Variants in SMPD1 observed in about 807,000 individuals in gnomAD.
SMPD1 encodes sphingomyelin phosphodiesterase.
SMPD1 carries 47 observed loss-of-function variants against 49.7 expected under a neutral mutation model. The observed-to-expected ratio is 0.95, with a 90% CI of 0.75 to 1.21. The LOEUF is 1.21. Ranked by LOEUF, SMPD1 falls within the 50% of genes most tolerant of loss-of-function variation. The pLI is 0.00. For missense variants in SMPD1, 811 were observed against 822.2 expected (o/e 0.99, Z 0.17); for synonymous variants, 336 against 339.6 (o/e 0.99, Z 0.12).
chr11:6,394,126 G>A (rs1848074455), intron 5 of SMPD1, 72 bp from the exon 6 acceptor site: 1 of 1,612,546 alleles, frequency 6.2e-7, no homozygotes, highest in Non-Finnish European at 8.5e-7. Flanking sequence ...GCAAAGCATG[G>A]GCAGGATGTG....
intron 4 of SMPD1, 68 bp downstream of exon 4, chr11:6,393,761 A>T: frequency 6.4e-7 from 1 of 1,551,188 alleles, no homozygotes; most frequent in Non-Finnish European, 8.9e-7. Context: ...TCCCTTGAGC[A>T]TCTCACCATC....
At chr11:6,394,145 C>A (rs1227143412) in intron 5 of SMPD1, 53 bp from the exon 6 acceptor site, 12 of 1,613,578 alleles carry the variant, frequency 7.4e-6, no homozygotes, top group Non-Finnish European at 5.9e-6. Flanking sequence ...TGTGGCCCCT[C>A]CCTGGAGTTA....
Position 6,391,002 on chromosome 11 carries a change from G to A in SMPD1, c.318+86G>A, listed in dbSNP as rs1847885582. On this transcript the variant is annotated intron_variant, in intron 1 of 5. Coordinates refer to ENST00000342245, the MANE Select transcript of SMPD1 (RefSeq NM_000543.5). Reference sequence around the variant, plus strand: ...GGCTGATGCTGGTGCGCTGGGCTCAGAATGCATCCCTGATGGAGAGGGTGG... The same window carrying A: ...GGCTGATGCTGGTGCGCTGGGCTCAAAATGCATCCCTGATGGAGAGGGTGG... 8.5e-6 allele frequency: 13 copies of A among 1,522,536 alleles called. No individual in the cohort carries two copies. The South Asian group carries it at 1.3e-4, about 15-fold the overall frequency. 94.3% of individuals were successfully genotyped at this position (1,522,536 alleles called of 1,614,324 possible).
At position 6,390,700 on chromosome 11, in the gene SMPD1, CCTGGTGCTGGCGCTGGCGCTGGCG is replaced by C. The variant is rs550067660; in HGVS notation, c.107_130del (p.Val36_Leu43del). The C allele has an allele frequency of 1.2e-3, 1,928 of 1,546,828 alleles. 13 individuals carry two copies. The highest frequency in any genetic ancestry group is 7.1e-3 in the South Asian group (618 of 86,566). On this transcript the variant is annotated inframe_deletion, in exon 1 of 6. Coordinates refer to ENST00000342245, the MANE Select transcript of SMPD1 (RefSeq NM_000543.5). ...GAGCCCCCGGACTCCTTTGGATGGG[CCTGGTGCTGGCGCTGGCGCTGGCG>C]CTGGCGCTGGCGCTGGCTCTGTCTG...
intron 2 of SMPD1, 74 bp downstream of exon 2, chr11:6,392,230 G>A: frequency 6.4e-7 from 1 of 1,555,346 alleles, no homozygotes; most frequent in Non-Finnish European, 8.8e-7. Flanking sequence ...GGAACCTGGG[G>A]CATTGTCTCT....
Position 6,393,919 on chromosome 11 carries a change from A to T in SMPD1, c.1364A>T (p.Gln455Leu). ...AGGTATGAGAACACCCTGGCTGCTC[A>T]GTTCTTTGGCCACACTCATGTGGAT... ...VARYENTLAA[Q>L]FFGHTHVDEF... The change falls in exon 5 of 6, where the codon CAG becomes CTG. Residue 455 changes from glutamine (Q) to leucine (L), a missense_variant. By Grantham distance (113) the Gln-to-Leu change is moderately radical. Transcript: ENST00000342245. 1 of 1,614,206 alleles carries T rather than the reference A, an allele frequency of 6.2e-7. No individual in the cohort carries two copies. Among genetic ancestry groups the T allele is most frequent in the Non-Finnish European group, 8.5e-7 (1 of 1,180,038 alleles).
intron 2 of SMPD1, among the ~76,000 whole-genome samples, chr11:6,392,887 G>A (rs72896270): frequency 0.12 from 17,637 of 151,982 alleles, 1,142 homozygotes; most frequent in South Asian, 0.16. Context: ...CTTTGCTCAT[G>A]TTGGCCCTCT....
In SMPD1 at chr11:6,391,579, A is replaced by T. The variant is rs907810973; in HGVS notation, c.514A>T (p.Ile172Phe). The T allele has an allele frequency of 6.2e-7, 1 of 1,612,400 alleles. No individual in the cohort carries two copies. The highest frequency in any genetic ancestry group is 1.3e-5 in the African/African-American group (1 of 74,974). ...LLGSTCGHWD[I>F]FSSWNISLPT... ...GGGCTCCACCTGTGGGCACTGGGAC[A>T]TTTTCTCATCTTGGAACATCTCTTT... Residue 172 changes from isoleucine (I) to phenylalanine (F), a missense_variant, in exon 2 of 6, where the codon ATT becomes TTT. Coordinates refer to ENST00000342245, the MANE Select transcript of SMPD1 (RefSeq NM_000543.5).
At chr11:6,390,955 G>C (rs1349038395) in intron 1 of SMPD1, 39 bp downstream of exon 1, 4 of 1,610,624 alleles carry the variant, frequency 2.5e-6, no homozygotes, top group East Asian at 2.2e-5. Flanking sequence ...AGGCCGAAAG[G>C]AGTGCTGGGG....
In SMPD1 at chr11:6,391,920, T is replaced by C. The variant is rs777288780; in HGVS notation, c.855T>C (p.Asp285=). 1.2e-6 allele frequency: 2 copies of C among 1,614,092 alleles called. No homozygotes were observed. The highest frequency in any genetic ancestry group is 1.7e-6 in the Non-Finnish European group (2 of 1,180,036). Residue 285 remains aspartate, a synonymous_variant, in exon 2 of 6, where the codon GAT becomes GAC. Transcript: ENST00000342245. ...VYWTGDIPAH[D]VWHQTRQDQL... is the part of the protein sequence containing the mutation. ...GGACAGGAGACATCCCCGCACATGA[T>C]GTCTGGCACCAGACTCGTCAGGACC...
At position 6,390,732 on chromosome 11, in the gene SMPD1, TGGCGC is replaced by T; in HGVS notation, c.135_139del (p.Ala46GlyfsTer4). On this transcript the variant is annotated frameshift_variant, in exon 1 of 6. Coordinates refer to ENST00000342245, the MANE Select transcript of SMPD1 (RefSeq NM_000543.5). LOFTEE classifies it high-confidence loss of function. ...CTGGCGCTGGCGCTGGCGCTGGCGC[TGGCGC>T]TGGCTCTGTCTGACTCTCGGGTTCT... is the stretch of plus-strand genomic sequence containing the variant. 1 of 1,609,978 alleles carries T rather than the reference TGGCGC, an allele frequency of 6.2e-7. No homozygotes were observed. Among genetic ancestry groups the T allele is most frequent in the Middle Eastern group, 1.7e-4 (1 of 6,050 alleles).
rs200652683 is a variant in SMPD1 at position 6,394,240 on chromosome 11, C to T, written c.1529C>T (p.Ser510Phe). The T allele has an allele frequency of 4.1e-4, 662 of 1,614,184 alleles. 8 individuals carry two copies. In the South Asian group the frequency reaches 6.8e-3, roughly 17 times the overall value. ...YQIDGNYSGS[S>F]HVVLDHETYI... The stretch of plus-strand genomic sequence containing the variant: ...ATAGATGGAAACTACTCCGGGAGCT[C>T]TCACGTGGTCCTGGACCATGAGACC... The change falls in exon 6 of 6, where the codon TCT becomes TTT. Residue 510 changes from serine to phenylalanine, a missense_variant. By Grantham distance (155) the Ser-to-Phe change is radical. Transcript: ENST00000342245.
chr11:6,394,923 C>A lies in SMPD1; in HGVS notation c.*316C>A. 1 of 450,326 alleles carries A rather than the reference C, an allele frequency of 2.2e-6. No individual in the cohort carries two copies. 27.9% of individuals were successfully genotyped at this position (450,326 alleles called of 1,614,324 possible). On this transcript the variant is annotated 3_prime_UTR_variant, in exon 6 of 6. Coordinates refer to ENST00000342245, the MANE Select transcript of SMPD1 (RefSeq NM_000543.5). ...GTCGCCCCAGGCCTGTGCTGCCCAG[C>A]CAGGAACCCTGTACTGCTGCTGCGA...
intron 1 of SMPD1, 122 bp downstream of exon 1, chr11:6,391,038 CCAT>C (rs1847887353): frequency 1.5e-6 from 2 of 1,295,090 alleles, no homozygotes; most frequent in Non-Finnish European, 2.2e-6. Flanking sequence ...CATCTACAAT[CCAT>C]CACTGAGTTT....
Position 6,394,766 on chromosome 11 carries a change from G to C in SMPD1, c.*159G>C. 2.9e-6 allele frequency: 2 copies of C among 688,832 alleles called. No individual in the cohort carries two copies. Among genetic ancestry groups the C allele is most frequent in the Middle Eastern group, 7.9e-4 (2 of 2,532 alleles). 42.7% of individuals were successfully genotyped at this position (688,832 alleles called of 1,614,324 possible). On this transcript the variant is annotated 3_prime_UTR_variant, in exon 6 of 6. Transcript: ENST00000342245. The stretch of plus-strand genomic sequence containing the variant: ...CAGGACCTTCTCCTTTCCTGGAGCT[G>C]GTTTAGCTGGATATGGGAGGGGGTT...
Position 6,391,877 on chromosome 11 carries a change from C to T in SMPD1, c.812C>T (p.Pro271Leu). The change falls in exon 2 of 6, where the codon CCT (proline) becomes CTT (leucine). Residue 271 changes from proline to leucine, a missense_variant. Pro to Leu is a moderately conservative substitution (Grantham distance 98). Coordinates refer to ENST00000342245, the MANE Select transcript of SMPD1 (RefSeq NM_000543.5). ...SLLSGLGPAG[P>L]FDMVYWTGDI... ...TTGAGTGGGCTGGGCCCAGCCGGCC[C>T]TTTTGATATGGTGTACTGGACAGGA... 1.2e-6 allele frequency: 2 copies of T among 1,614,164 alleles called. No individual in the cohort carries two copies. Among genetic ancestry groups the T allele is most frequent in the African/African-American group, 2.7e-5 (2 of 75,052 alleles).
Position 6,391,664 on chromosome 11 carries a change from T to C in SMPD1, c.599T>C (p.Val200Ala). ...PPSPPAPGAP[V>A]SRILFLTDLH... ...AGCCCCCCAGCCCCAGGTGCCCCTG[T>C]CAGCCGCATCCTCTTCCTCACTGAC... The change falls in exon 2 of 6, where the codon GTC (valine) becomes GCC (alanine). Residue 200 changes from valine (V) to alanine (A), a missense_variant. Val to Ala is a moderately conservative substitution (Grantham distance 64). Transcript: ENST00000342245. 7.7e-6 allele frequency: 10 copies of C among 1,301,402 alleles called. No individual in the cohort carries two copies. The highest frequency in any genetic ancestry group is 9.3e-6 in the Non-Finnish European group (9 of 971,146). The allele number at this position is 1,301,402 out of a possible 1,614,324, so 80.6% of individuals were successfully genotyped here.
At chr11:6,393,765 C>T (rs920115526) in intron 4 of SMPD1, 72 bp downstream of exon 4, 3 of 1,551,018 alleles carry the variant, frequency 1.9e-6, no homozygotes, top group Non-Finnish European at 2.7e-6. Flanking sequence ...TTGAGCATCT[C>T]ACCATCCCTG....
chr11:6,392,265 T>C (rs1402069826), intron 2 of SMPD1, 109 bp downstream of exon 2: 2 of 1,222,324 alleles, frequency 1.6e-6, no homozygotes, highest in Non-Finnish European at 2.4e-6. Context: ...GAGTCCTTAG[T>C]GCTCTTCATT....
Sources: gnomAD v4.1 joint callset for allele counts (sites outside exome capture counted in the v4.1 genomes callset) on GRCh38, gnomAD v4.1.1 for gene constraint, MANE v1.5 for transcripts, NCBI Gene and HGNC (gene_info 2026-07-23, HGNC 2026-07-21) for gene names.